The following DRD2 variants were observed in gnomAD, a reference collection of about 807,000 sequenced individuals.
The protein encoded by DRD2 is dopamine receptor D2.
Under a neutral mutation model 38.0 loss-of-function variants are expected in DRD2, and 8 were observed. The ratio of observed to expected loss-of-function variants is 0.21; its 90% CI spans 0.12 to 0.38. DRD2 has a LOEUF of 0.38. Ranked by LOEUF, DRD2 falls within the 10% of genes least tolerant of loss-of-function variation. The pLI, the probability that DRD2 is intolerant of heterozygous loss-of-function variation, is 1.00. For missense variants in DRD2, 403 were observed against 607.7 expected (o/e 0.66, Z 3.54); for synonymous variants, 230 against 238.6 (o/e 0.96, Z 0.33).
At chr11:113,453,664 A>C (rs1319702343) in intron 1 of DRD2, among the ~76,000 whole-genome samples, 5 of 152,358 alleles carry the variant, frequency 3.3e-5, no homozygotes, top group Admixed American at 3.3e-4. Context: ...ACCACAGTGC[A>C]GGGAGAGAAA....
intron 7 of DRD2, chr11:113,411,865 G>A (rs1252252299): frequency 6.6e-6 from 1 of 152,636 alleles, no homozygotes; most frequent in African/African-American, 2.4e-5. Context: ...AGTCACAGGG[G>A]ACCCTCCTTT....
In DRD2 at chr11:113,424,747, A is replaced by G. The variant is rs1427419788; in HGVS notation, c.-31-65T>C. 5.5e-6 allele frequency: 8 copies of G among 1,446,284 alleles called. No individual in the cohort carries two copies. In the East Asian group the frequency reaches 1.6e-4, roughly 29 times the overall value. 89.6% of individuals were successfully genotyped at this position (1,446,284 alleles called of 1,614,324 possible). ...CCTCTTGCAGAGGTCTCCAGGAAGA[A>G]GACCAACTCCTGGCATTTAATAATG... On this transcript the variant is annotated intron_variant, in intron 1 of 7. Coordinates refer to ENST00000362072, the MANE Select transcript of DRD2 (RefSeq NM_000795.4).
Position 113,410,083 on chromosome 11 carries a change from T to C in DRD2, c.*644A>G, listed in dbSNP as rs200889099. ...GATGAGGGCTCCTCTTCTCAGAGCA[T>C]GTGGAAACCACTTGGGGAGCTGTAA... On this transcript the variant is annotated 3_prime_UTR_variant, in exon 8 of 8. Transcript: ENST00000362072. 1.2e-5 allele frequency: 2 copies of C among 162,726 alleles called. No individual in the cohort carries two copies. The highest frequency in any genetic ancestry group is 5.7e-5 in the Admixed American group (1 of 17,448). The allele number at this position is 162,726 out of a possible 1,614,324, so 10.1% of individuals were successfully genotyped here.
chr11:113,457,226 A>T (rs1951276038), intron 1 of DRD2, among the ~76,000 whole-genome samples: 1 of 152,164 alleles, frequency 6.6e-6, no homozygotes, highest in African/African-American at 2.4e-5. Context: ...GCCACATCAG[A>T]TGGTCTCTCT....
chr11:113,435,429 CCGAT>C (rs1951026509), intron 1 of DRD2, among the ~76,000 whole-genome samples: 1 of 152,036 alleles, frequency 6.6e-6, no homozygotes. Flanking sequence ...CCTCACCGCT[CCGAT>C]ACTGTGTGAG....
At chr11:113,458,819 C>CA (rs1032406167) in intron 1 of DRD2, among the ~76,000 whole-genome samples, 6 of 152,138 alleles carry the variant, frequency 3.9e-5, no homozygotes, top group Non-Finnish European at 8.8e-5. Flanking sequence ...ATCCTCTTTA[C>CA]AAATGTTCAG....
At chr11:113,417,511 G>A (rs1047862971) in intron 3 of DRD2, among the ~76,000 whole-genome samples, 14 of 152,086 alleles carry the variant, frequency 9.2e-5, no homozygotes, top group African/African-American at 3.1e-4. Context: ...AGAATGGTGT[G>A]AGGGAGGTAG....
chr11:113,452,158 G>T (rs1951215574), intron 1 of DRD2, among the ~76,000 whole-genome samples: 1 of 152,104 alleles, frequency 6.6e-6, no homozygotes, highest in African/African-American at 2.4e-5. Flanking sequence ...AAAGTAAGAG[G>T]TGGCTGACCC....
At chr11:113,415,190 C>T (rs765109448) in intron 5 of DRD2, 2 of 436,272 alleles carry the variant, frequency 4.6e-6, no homozygotes, top group Non-Finnish European at 4.0e-6. Context: ...CAAGCAAAGA[C>T]TTCCCCTTGT....
intron 1 of DRD2, among the ~76,000 whole-genome samples, chr11:113,461,198 G>T (rs780098734): frequency 1.3e-5 from 2 of 152,200 alleles, no homozygotes; most frequent in Admixed American, 6.5e-5. Flanking sequence ...ATTTACAGGG[G>T]CCCAGAACAC....
At chr11:113,451,191 T>G (rs1186513279) in intron 1 of DRD2, among the ~76,000 whole-genome samples, 1 of 152,222 alleles carries the variant, frequency 6.6e-6, no homozygotes, top group African/African-American at 2.4e-5. Context: ...AGAATATGTA[T>G]CCAAAACTTG....
In DRD2 at chr11:113,410,325, G is replaced by A. The variant is rs201101625; in HGVS notation, c.*402C>T. On this transcript the variant is annotated 3_prime_UTR_variant, in exon 8 of 8. Coordinates refer to ENST00000362072, the MANE Select transcript of DRD2 (RefSeq NM_000795.4). ...TGTGAACTGTCCATCTCTCCCCACC[G>A]CCTGCTCCACGCCAAGCCCCACAAA... 4.9e-5 allele frequency: 19 copies of A among 390,174 alleles called. No homozygotes were observed. Among genetic ancestry groups the A allele is most frequent in the Non-Finnish European group, 5.3e-5 (11 of 206,894 alleles). 24.2% of individuals were successfully genotyped at this position (390,174 alleles called of 1,614,324 possible). A position where few individuals can be genotyped will look rare whatever the true frequency, so the allele number is the denominator to read the frequency against.
intron 1 of DRD2, among the ~76,000 whole-genome samples, chr11:113,438,340 T>C (rs1306755600): frequency 6.6e-6 from 1 of 152,144 alleles, no homozygotes; most frequent in Non-Finnish European, 1.5e-5. Flanking sequence ...TGGGAGTGGT[T>C]GCAAAATTGA....
chr11:113,440,159 T>C (rs371063840), intron 1 of DRD2, among the ~76,000 whole-genome samples: 22 of 152,284 alleles, frequency 1.4e-4, no homozygotes, highest in African/African-American at 5.1e-4. Flanking sequence ...CTGTGTATGC[T>C]CGCCTCGCCC....
intron 6 of DRD2, chr11:113,413,352 C>T (rs559077358): frequency 7.6e-6 from 4 of 525,420 alleles, no homozygotes; most frequent in African/African-American, 1.9e-5. Flanking sequence ...TGCGTACACA[C>T]GTGGGCTCCA....
At position 113,415,467 on chromosome 11, in the gene DRD2, T is replaced by C. The variant is rs757062764; in HGVS notation, c.677A>G (p.Lys226Arg). 6.2e-7 allele frequency: 1 copy of C among 1,614,036 alleles called. No individual in the cohort carries two copies. Among genetic ancestry groups the C allele is most frequent in the Non-Finnish European group, 8.5e-7 (1 of 1,179,954 alleles). ...GGCCCTGAAAGCTCGGCTGCTGCGT[T>C]TGGTGTTGACTCGCTTGCGGCGTCT... ...LRRRRKRVNT[K>R]RSSRAFRAHL... is the part of the protein sequence containing the mutation. Residue 226 changes from lysine to arginine, a missense_variant, in exon 5 of 8, where the codon AAA (lysine) becomes AGA (arginine). Lys to Arg is a conservative substitution (Grantham distance 26). Transcript: ENST00000362072.
chr11:113,418,550 C>G (rs1950850975), intron 2 of DRD2, among the ~76,000 whole-genome samples: 1 of 152,140 alleles, frequency 6.6e-6, no homozygotes. Context: ...CACTTGGGAG[C>G]CTCACAGACC....
At chr11:113,459,117 G>A (rs553620438) in intron 1 of DRD2, among the ~76,000 whole-genome samples, 14 of 152,242 alleles carry the variant, frequency 9.2e-5, no homozygotes, top group African/African-American at 2.6e-4. Flanking sequence ...CTGAGTCTCC[G>A]TTTCCTCCTC....
chr11:113,464,583 GCA>G (rs1213470297), intron 1 of DRD2, among the ~76,000 whole-genome samples: 1 of 152,134 alleles, frequency 6.6e-6, no homozygotes, highest in Non-Finnish European at 1.5e-5. Flanking sequence ...TACTCCCCAA[GCA>G]CACCCTTCAC....
Sources: gnomAD v4.1 joint callset for allele counts (sites outside exome capture counted in the v4.1 genomes callset) on GRCh38, gnomAD v4.1.1 for gene constraint, MANE v1.5 for transcripts, NCBI Gene and HGNC (gene_info 2026-07-23, HGNC 2026-07-21) for gene names.